Variants in ARMC2 observed in about 807,000 individuals in gnomAD.
ARMC2 encodes armadillo repeat-containing protein 2.
In ARMC2, 67 loss-of-function variants were observed where a neutral mutation model predicts 90.3. The ratio of observed to expected loss-of-function variants is 0.74; its 90% confidence interval spans 0.61 to 0.91. The LOEUF is 0.91. Ranked by LOEUF, ARMC2 falls within the 40% of genes least tolerant of loss-of-function variation. The probability of loss-of-function intolerance (pLI) is 0.00; values close to 1 mark genes in which losing one functional copy is unlikely to be tolerated. For synonymous variants in ARMC2, 393 were observed against 393.0 expected, an observed-to-expected ratio of 1.00 and a Z score of 0.00; for missense variants, 920 against 1,030.9, an observed-to-expected ratio of 0.89 and a Z score of 1.47.
intron 13 of ARMC2, among the ~76,000 whole-genome samples, chr6:108,960,200 T>C (rs981192438): frequency 2.0e-5 from 3 of 152,160 alleles, no homozygotes; most frequent in African/African-American, 7.2e-5. Flanking sequence ...TACCCAATTA[T>C]GTGCACCGGC....
At chr6:108,890,386 A>G (rs1418164385) in intron 5 of ARMC2, among the ~76,000 whole-genome samples, 2 of 150,708 alleles carry the variant, frequency 1.3e-5, no homozygotes, top group Non-Finnish European at 2.9e-5. Flanking sequence ...AAGTTCTTCC[A>G]GTGTCAGTCA....
intron 7 of ARMC2, among the ~76,000 whole-genome samples, chr6:108,900,343 G>A (rs554862121): frequency 4.6e-5 from 7 of 152,190 alleles, no homozygotes; most frequent in African/African-American, 7.2e-5. Context: ...GCCCACCATC[G>A]ATGGGTCCCT....
the ARMC2 span, among the ~76,000 whole-genome samples, chr6:109,042,038 T>C: frequency 1.3e-5 from 2 of 151,788 alleles, no homozygotes; most frequent in Non-Finnish European, 2.9e-5. Flanking sequence ...AAGTAAATAA[T>C]AGAAAGATAA....
rs760159922 is a variant in ARMC2, at chr6:108,858,277, T to C, written c.291+6T>C. On this transcript the variant is annotated splice_donor_region_variant and intron_variant, in intron 3 of 17. Transcript: ENST00000392644. Reference sequence around the variant, plus strand: ...GTCTTAGTCCACTAGAGCTGGTGAGTACTTTGTATAACCACCAGTAATTTA... The same window carrying C: ...GTCTTAGTCCACTAGAGCTGGTGAGCACTTTGTATAACCACCAGTAATTTA... 1.9e-6 allele frequency: 3 copies of C among 1,594,848 alleles called. No individual in the cohort carries two copies. The highest frequency in any genetic ancestry group is 2.6e-6 in the Non-Finnish European group (3 of 1,165,280).
chr6:109,004,174 GA>G, the ARMC2 span, among the ~76,000 whole-genome samples: 1 of 151,538 alleles, frequency 6.6e-6, no homozygotes, highest in Non-Finnish European at 1.5e-5. Context: ...TGAAAACTTA[GA>G]AAAAAAGCAA....
At position 108,910,959 on chromosome 6, in the gene ARMC2, A is replaced by T; in HGVS notation, c.1084A>T (p.Asn362Tyr). 1 of 1,584,480 alleles carries T rather than the reference A, an allele frequency of 6.3e-7. No homozygotes were observed. Among genetic ancestry groups the T allele is most frequent in the East Asian group, 2.3e-5 (1 of 44,182 alleles). Residue 362 changes from asparagine (N) to tyrosine (Y), a missense_variant, in exon 9 of 18, where the codon AAT becomes TAT. Asn to Tyr is a moderately radical substitution (Grantham distance 143, BLOSUM62 -2). Coordinates refer to ENST00000392644, the MANE Select transcript of ARMC2 (RefSeq NM_032131.6). ...CAAACTTATATTTAAAATTAGCAGG[A>T]ATGAGAAGAATGATTCTTTGATTCA... The part of the protein sequence containing the change: ...VCKLIFKISR[N>Y]EKNDSLIQND...
Position 108,962,140 on chromosome 6 carries a change from C to A in ARMC2, c.2152+13C>A. The A allele has an allele frequency of 6.4e-7, 1 of 1,561,376 alleles. No individual in the cohort carries two copies. The highest frequency in any genetic ancestry group is 8.8e-7 in the Non-Finnish European group (1 of 1,139,180). ...GTGCAGAACAATGGTGAGTTAATAA[C>A]ACTAGAATTCATAAACATTCACTTT... On this transcript the variant is annotated intron_variant, in intron 15 of 17. Coordinates refer to ENST00000392644, the MANE Select transcript of ARMC2 (RefSeq NM_032131.6).
intron 5 of ARMC2, among the ~76,000 whole-genome samples, chr6:108,889,925 A>C (rs1770790244): frequency 6.6e-6 from 1 of 151,314 alleles, no homozygotes. Context: ...GCGGTGGCTC[A>C]CGCCTGTAAT....
chr6:108,962,054 C>T lies in ARMC2; in HGVS notation c.2079C>T (p.Ile693=). 1 of 1,613,494 alleles carries T rather than the reference C, an allele frequency of 6.2e-7. No individual in the cohort carries two copies. Among genetic ancestry groups the T allele is most frequent in the South Asian group, 1.1e-5 (1 of 90,874 alleles). ...KLLVSNNMDG[I]LEAVRVFGNL... is the part of the protein sequence containing the mutation. Reference sequence around the variant, plus strand: ...TTGTCAGTAACAACATGGATGGAATCCTGGAGGCTGTGCGTGTTTTCGGAA... The same window carrying T: ...TTGTCAGTAACAACATGGATGGAATTCTGGAGGCTGTGCGTGTTTTCGGAA... The change falls in exon 15 of 18, where the codon ATC becomes ATT. Residue 693 remains isoleucine (I), a synonymous_variant. Coordinates refer to ENST00000392644, the MANE Select transcript of ARMC2 (RefSeq NM_032131.6).
At chr6:108,852,955 TTA>T (rs1449642126) in intron 1 of ARMC2, among the ~76,000 whole-genome samples, 1 of 152,144 alleles carries the variant, frequency 6.6e-6, no homozygotes, top group Non-Finnish European at 1.5e-5. Flanking sequence ...TTTTAAATAA[TTA>T]TGATTGAATA....
the ARMC2 span, among the ~76,000 whole-genome samples, chr6:109,044,368 T>C: frequency 9.9e-6 from 1 of 101,126 alleles, no homozygotes; most frequent in South Asian, 3.2e-4. Flanking sequence ...GGCAATTCAA[T>C]GGAGAAAGGA....
the ARMC2 span, among the ~76,000 whole-genome samples, chr6:109,014,876 C>T: frequency 6.6e-6 from 1 of 152,156 alleles, no homozygotes; most frequent in Non-Finnish European, 1.5e-5. Context: ...GCTTCTCAAA[C>T]AAATCACACT....
At chr6:108,927,426 G>A (rs748685053) in intron 10 of ARMC2, among the ~76,000 whole-genome samples, 10 of 152,212 alleles carry the variant, frequency 6.6e-5, no homozygotes, top group Non-Finnish European at 1.3e-4. Context: ...CTTTCCTGTA[G>A]TGTCCCACAA....
downstream of ARMC2, among the ~76,000 whole-genome samples, chr6:108,976,769 G>A (rs536978366): frequency 9.9e-4 from 150 of 152,222 alleles, no homozygotes; most frequent in South Asian, 1.0e-2. Flanking sequence ...TAGCAATTGC[G>A]AATGGGAGTT....
In ARMC2 at chr6:108,912,393, A is replaced by G. The variant is rs140019988; in HGVS notation, c.1185A>G (p.Leu395=). The G allele has an allele frequency of 5.1e-4, 820 of 1,613,174 alleles. 4 individuals are homozygous for G. The highest frequency in any genetic ancestry group is 3.2e-3 in the South Asian group (289 of 90,758). Residue 395 remains leucine (L), a synonymous_variant, in exon 10 of 18, where the codon TTA becomes TTG. Transcript: ENST00000392644. ...EDLQTNMEAF[L]YCMGSIKFIS... The stretch of plus-strand genomic sequence containing the variant: ...TGCAAACTAACATGGAAGCTTTTTT[A>G]TACTGTATGGGGTCTATAAAGTTCA...
intron 12 of ARMC2, among the ~76,000 whole-genome samples, chr6:108,951,493 A>G (rs1777175076): frequency 6.6e-6 from 1 of 152,216 alleles, no homozygotes; most frequent in Non-Finnish European, 1.5e-5. Context: ...CTGTAGCATT[A>G]GCTGCTGTCC....
At chr6:108,900,920 C>T (rs540541495) in intron 7 of ARMC2, among the ~76,000 whole-genome samples, 7 of 152,064 alleles carry the variant, frequency 4.6e-5, no homozygotes, top group Admixed American at 1.3e-4. Context: ...CTCATCTTAG[C>T]GTGCCACGTT....
At chr6:108,980,410 G>C in the ARMC2 span, among the ~76,000 whole-genome samples, 2 of 152,042 alleles carry the variant, frequency 1.3e-5, no homozygotes, top group Admixed American at 1.3e-4. Context: ...GAGCTCTCCC[G>C]TATGAAGTAT....
chr6:108,877,187 G>A (rs12199292), intron 5 of ARMC2, among the ~76,000 whole-genome samples: 82 of 152,274 alleles, frequency 5.4e-4, no homozygotes, highest in Non-Finnish European at 9.0e-4. Context: ...ATAACTGCCC[G>A]GTTCAGATTT....
Sources: allele counts gnomAD v4.1 joint callset (sites outside exome capture counted in the v4.1 genomes callset), GRCh38; gene constraint gnomAD v4.1.1; transcripts MANE v1.5; gene names NCBI Gene and HGNC (gene_info 2026-07-23, HGNC 2026-07-21).